Variants in SEPTIN9 observed in about 807,000 individuals in gnomAD.
SEPTIN9 encodes septin-9.
Under a neutral mutation model 56.6 loss-of-function variants are expected in SEPTIN9, and 13 were observed. The observed-to-expected ratio is 0.23, with a 90% CI of 0.15 to 0.37. The LOEUF is 0.37. SEPTIN9 is among the 10% of genes least tolerant of loss of function. The pLI is 1.00. For synonymous variants in SEPTIN9, 332 were observed against 334.1 expected, an observed-to-expected ratio of 0.99 and a Z score of 0.07; for missense variants, 650 against 823.1, an observed-to-expected ratio of 0.79 and a Z score of 2.57.
intron 1 of SEPTIN9, among the ~76,000 whole-genome samples, chr17:77,296,993 T>C (rs1242308814): frequency 6.6e-6 from 1 of 152,104 alleles, no homozygotes; most frequent in Non-Finnish European, 1.5e-5. Flanking sequence ...AGGTAGATGA[T>C]AGATGGATAG....
chr17:77,453,980 C>G lies in SEPTIN9; in HGVS notation c.722-28164C>G. The G allele has an allele frequency of 1.1e-6, 1 of 887,510 alleles. No individual in the cohort carries two copies. Among genetic ancestry groups the G allele is most frequent in the Non-Finnish European group, 1.4e-6 (1 of 740,522 alleles). 55.0% of individuals were successfully genotyped at this position (887,510 alleles called of 1,614,324 possible). ...CACCACCACCAGCAGCTTCCGTTAT[C>G]TGGTTCTTCTGTACATGTAAGCCTT... On this transcript the variant is annotated intron_variant, in intron 3 of 11. Transcript: ENST00000427177. This position sits in a 1 kb window ranked among gnomAD's most constrained non-coding sequence, Gnocchi z 4.4.
At chr17:77,332,008 GCTC>G (rs2033382896) in intron 2 of SEPTIN9, among the ~76,000 whole-genome samples, 4 of 152,158 alleles carry the variant, frequency 2.6e-5, no homozygotes, top group Non-Finnish European at 4.4e-5. Context: ...GAGTGTGGTG[GCTC>G]ATGACTGTAA....
chr17:77,373,619 C>T lies in SEPTIN9; in HGVS notation c.77-28440C>T, dbSNP rs185570223. 28,033 of 1,524,380 alleles carry T rather than the reference C, an allele frequency of 0.018. 339 individuals carry two copies. The highest frequency in any genetic ancestry group is 0.026 in the Middle Eastern group (138 of 5,364). The allele number at this position is 1,524,380 out of a possible 1,614,324, so 94.4% of individuals were successfully genotyped here. A position where few individuals can be genotyped will look rare whatever the true frequency, so the allele number is the denominator to read the frequency against. ...GAGGACCCTGCGGGTGGGCCTGGCG[C>T]GGGACGGGGGTGCGCTGAGGGGAGA... On this transcript the variant is annotated intron_variant, in intron 2 of 11. Transcript: ENST00000427177.
At chr17:77,431,229 A>C (rs2037120809) in intron 3 of SEPTIN9, among the ~76,000 whole-genome samples, 1 of 152,062 alleles carries the variant, frequency 6.6e-6, no homozygotes, top group Non-Finnish European at 1.5e-5. Flanking sequence ...GGATTGCTTG[A>C]GTTAGGAGTT....
At chr17:77,478,944 G>A (rs1320147730) in intron 3 of SEPTIN9, among the ~76,000 whole-genome samples, 1 of 152,232 alleles carries the variant, frequency 6.6e-6, no homozygotes, top group East Asian at 1.9e-4. Flanking sequence ...GGACAATCCT[G>A]TAGGATTCCA....
At chr17:77,420,460 T>C (rs899024151) in intron 3 of SEPTIN9, among the ~76,000 whole-genome samples, 2 of 152,156 alleles carry the variant, frequency 1.3e-5, no homozygotes, top group Non-Finnish European at 2.9e-5. Flanking sequence ...ACCTGGGCAG[T>C]CCCCCACTTG....
intron 10 of SEPTIN9, among the ~76,000 whole-genome samples, chr17:77,494,818 G>A (rs1383256616): frequency 2.0e-5 from 3 of 152,150 alleles, no homozygotes; most frequent in Non-Finnish European, 4.4e-5. Context: ...CCTGGAGGAG[G>A]GTGTGGAGAG....
intron 3 of SEPTIN9, among the ~76,000 whole-genome samples, chr17:77,403,803 C>T (rs947317521): frequency 1.3e-5 from 2 of 152,182 alleles, no homozygotes; most frequent in African/African-American, 4.8e-5. Flanking sequence ...CAATTTTAGC[C>T]ACTTTGCAGT....
Position 77,476,047 on chromosome 17 carries a change from G to A in SEPTIN9, c.722-6097G>A, listed in dbSNP as rs2039201117. On this transcript the variant is annotated intron_variant, in intron 3 of 11. Coordinates refer to ENST00000427177, the MANE Select transcript of SEPTIN9 (RefSeq NM_001113491.2). The surrounding 1 kb of genome is among the most constrained non-coding windows in gnomAD (Gnocchi z 6.0). Reference sequence around the variant, plus strand: ...CCGGCTGTCACTCCCCTGGAGCTGGGAATGGCATTGGGCGGTGGCTCAGGG... The same window carrying A: ...CCGGCTGTCACTCCCCTGGAGCTGGAAATGGCATTGGGCGGTGGCTCAGGG... The A allele has an allele frequency of 2.2e-6, 2 of 902,464 alleles. No individual in the cohort carries two copies. The highest frequency in any genetic ancestry group is 1.7e-5 in the African/African-American group (1 of 60,188). 55.9% of individuals were successfully genotyped at this position (902,464 alleles called of 1,614,324 possible).
At chr17:77,283,643 T>G (rs16969881) in intron 1 of SEPTIN9, among the ~76,000 whole-genome samples, 9,283 of 152,246 alleles carry the variant, frequency 0.061, 494 homozygotes, top group African/African-American at 0.14. Flanking sequence ...GCGGGATTAT[T>G]GCTTCCAGAC....
At chr17:77,337,812 A>T (rs1002183431) in intron 2 of SEPTIN9, among the ~76,000 whole-genome samples, 1 of 152,224 alleles carries the variant, frequency 6.6e-6, no homozygotes, top group African/African-American at 2.4e-5. Flanking sequence ...TAATACAAGC[A>T]TACCTAGGGT....
At position 77,326,306 on chromosome 17, in the gene SEPTIN9, A is replaced by T. The variant is rs368169689; in HGVS notation, c.76+19109A>T. ...CAGACACAGTCCTTGCCCTCATGGG[A>T]CTGCACAAGTGCAAGACCACATCAG... is the stretch of plus-strand genomic sequence containing the variant. On this transcript the variant is annotated intron_variant, in intron 2 of 11. Coordinates refer to ENST00000427177, the MANE Select transcript of SEPTIN9 (RefSeq NM_001113491.2). The surrounding 1 kb of genome is among the most constrained non-coding windows in gnomAD (Gnocchi z 5.1). Among the ~76,000 whole-genome samples, 1 of 152,338 alleles carries T rather than the reference A, an allele frequency of 6.6e-6. No individual in the cohort carries two copies. Among genetic ancestry groups the T allele is most frequent in the East Asian group, 1.9e-4 (1 of 5,182 alleles).
At chr17:77,281,717 G>T in intron 1 of SEPTIN9, 163 bp downstream of exon 1, 1 of 644,818 alleles carries the variant, frequency 1.6e-6, no homozygotes, top group Non-Finnish European at 2.5e-6. Context: ...CCGCTGTCGG[G>T]CCGCTTTCGA....
chr17:77,457,148 G>T (rs2038240402), intron 3 of SEPTIN9, among the ~76,000 whole-genome samples: 1 of 152,172 alleles, frequency 6.6e-6, no homozygotes, highest in Non-Finnish European at 1.5e-5. Flanking sequence ...GTGAGATGGG[G>T]ACGGCTGCAC....
In SEPTIN9 at chr17:77,488,337, G is replaced by T; in HGVS notation, c.1124+16G>T. ...ACGAGAACTGGTGAGGCCCCTCCAGGGGGAGGAGCACTAGCGGGGGCTTCA... is the reference window on the plus strand; with the variant it reads ...ACGAGAACTGGTGAGGCCCCTCCAGTGGGAGGAGCACTAGCGGGGGCTTCA... On this transcript the variant is annotated intron_variant, in intron 6 of 11. Transcript: ENST00000427177. 1 of 1,608,330 alleles carries T rather than the reference G, an allele frequency of 6.2e-7. No homozygotes were observed. Among genetic ancestry groups the T allele is most frequent in the Non-Finnish European group, 8.5e-7 (1 of 1,175,254 alleles).
At chr17:77,380,779 C>A (rs2035115178) in intron 2 of SEPTIN9, among the ~76,000 whole-genome samples, 1 of 152,206 alleles carries the variant, frequency 6.6e-6, no homozygotes, top group Non-Finnish European at 1.5e-5. Context: ...TACCCCACAT[C>A]CCCCTGTCTG....
rs534849463 is a variant in SEPTIN9 at position 77,486,537 on chromosome 17, C to T, written c.914-887C>T. Among the ~76,000 whole-genome samples, 706 of 127,234 alleles carry T rather than the reference C, an allele frequency of 5.5e-3. 7 individuals are homozygous for T. Among genetic ancestry groups the T allele is most frequent in the African/African-American group, 0.021 (584 of 28,364 alleles). The allele number at this position is 127,234 out of a possible 152,430, so 83.5% of individuals were successfully genotyped here. A position where few individuals can be genotyped will look rare whatever the true frequency, so the allele number is the denominator to read the frequency against. ...GTGTGTGTGTGCGCGCACGCGCGCG[C>T]GTGTTATATGTGATTTGTTTGTGTG... On this transcript the variant is annotated intron_variant, in intron 4 of 11. Coordinates refer to ENST00000427177, the MANE Select transcript of SEPTIN9 (RefSeq NM_001113491.2).
In SEPTIN9 at chr17:77,429,222, A is replaced by G; in HGVS notation, c.721+26519A>G. The G allele has an allele frequency of 2.1e-6, 1 of 471,400 alleles. No homozygotes were observed. The highest frequency in any genetic ancestry group is 2.0e-5 in the African/African-American group (1 of 50,188). 29.2% of individuals were successfully genotyped at this position (471,400 alleles called of 1,614,324 possible). A position where few individuals can be genotyped will look rare whatever the true frequency, so the allele number is the denominator to read the frequency against. On this transcript the variant is annotated intron_variant, in intron 3 of 11. Coordinates refer to ENST00000427177, the MANE Select transcript of SEPTIN9 (RefSeq NM_001113491.2). The surrounding 1 kb of genome is among the most constrained non-coding windows in gnomAD (Gnocchi z 5.2). ...GGCTGAGGCCACCTTGGTGAGGAGG[A>G]AATTGCAGGTGGAGAAGCTCGTTGA... is the stretch of plus-strand genomic sequence containing the variant.
At chr17:77,431,826 G>A (rs2037146201) in intron 3 of SEPTIN9, among the ~76,000 whole-genome samples, 1 of 119,620 alleles carries the variant, frequency 8.4e-6, no homozygotes. Flanking sequence ...GTGAAATGCT[G>A]TCTCAAAAAA....
Sources: gnomAD v4.1 joint callset for allele counts (sites outside exome capture counted in the v4.1 genomes callset) on GRCh38, gnomAD v4.1.1 for gene constraint, Gnocchi (gnomAD v3.1) non-coding constraint, MANE v1.5 for transcripts, NCBI Gene and HGNC (gene_info 2026-07-23, HGNC 2026-07-21) for gene names.